IRAK1BP1: variants seen among roughly 807,000 people sequenced by gnomAD.
IRAK1BP1 encodes interleukin-1 receptor-associated kinase 1-binding protein 1.
Under a neutral mutation model 28.0 loss-of-function variants are expected in IRAK1BP1, and 24 were observed. That is an observed-to-expected ratio of 0.86 (90% CI 0.62 to 1.20). The LOEUF (loss-of-function observed/expected upper bound fraction) is 1.20. IRAK1BP1 is among the 50% of genes most tolerant of loss of function. The probability of loss-of-function intolerance (pLI) is 0.00; values close to 1 mark genes in which losing one functional copy is unlikely to be tolerated. For missense variants in IRAK1BP1, 336 were observed against 316.7 expected, an observed-to-expected ratio of 1.06 and a Z score of -0.46; for synonymous variants, 131 against 116.3, an observed-to-expected ratio of 1.13 and a Z score of -0.81.
chr6:78,931,460 G>T (rs960446168), intron 4 of IRAK1BP1, among the ~76,000 whole-genome samples: 1 of 152,062 alleles, frequency 6.6e-6, no homozygotes. Flanking sequence ...TTATCTTGGA[G>T]ATTTCTCATA....
At chr6:78,947,518 C>T (rs1264948375), downstream of IRAK1BP1, 4 of 586,090 alleles carry the variant, frequency 6.8e-6, no homozygotes, top group African/African-American at 1.9e-5. Context: ...AAGAATGTAA[C>T]AGAAAGTTAA....
At position 78,895,023 on chromosome 6, in the gene IRAK1BP1, G is replaced by A. The variant is rs149488477; in HGVS notation, c.382-2806G>A. Among the ~76,000 whole-genome samples the A allele has an allele frequency of 1.2e-3, 184 of 151,738 alleles. 2 individuals are homozygous for A. The highest frequency in any genetic ancestry group is 4.9e-4 in the Non-Finnish European group (33 of 67,954). ...CTCAGCAGGCTAAGACAGGAGAATC[G>A]CTTGAACCCGGGAGGTAGAGGTTGC... On this transcript the variant is annotated intron_variant, in intron 2 of 3. Coordinates refer to ENST00000369940, the MANE Select transcript of IRAK1BP1 (RefSeq NM_001010844.4).
rs1770629900 is a variant in IRAK1BP1, at chr6:78,867,739, G to GT, written c.164dup (p.Ser56LysfsTer11). 1.2e-6 allele frequency: 2 copies of GT among 1,614,148 alleles called. No homozygotes were observed. Among genetic ancestry groups the GT allele is most frequent in the South Asian group, 2.2e-5 (2 of 91,096 alleles). On this transcript the variant is annotated frameshift_variant, in exon 1 of 4. Transcript: ENST00000369940. LOFTEE classifies it high-confidence loss of function. ...CCAAACTGCTACCCGCGAGGTGCAAGTAAGCGGCACCTCAGAAGTGTCTGC... is the reference window on the plus strand; with the variant it reads ...CCAAACTGCTACCCGCGAGGTGCAAGTTAAGCGGCACCTCAGAAGTGTCTGC...
chr6:78,891,413 C>CT (rs2127650180), intron 2 of IRAK1BP1, among the ~76,000 whole-genome samples: 1 of 151,844 alleles, frequency 6.6e-6, no homozygotes, highest in Admixed American at 6.6e-5. Context: ...TACCAGTACT[C>CT]TTTCCACTTT....
the IRAK1BP1 span, chr6:78,962,993 ACTTAGG>A: frequency 5.4e-6 from 5 of 925,424 alleles, no homozygotes; most frequent in Non-Finnish European, 8.1e-6. Context: ...GAAACCACTG[ACTTAGG>A]ATATTGTGAA....
intron 4 of IRAK1BP1, among the ~76,000 whole-genome samples, chr6:78,929,657 T>G (rs550142177): frequency 6.6e-6 from 1 of 152,324 alleles, no homozygotes; most frequent in South Asian, 2.1e-4. Context: ...ACAAACTTGC[T>G]CATGTACCCT....
rs1235057928 is a variant in IRAK1BP1, at chr6:78,877,976, A to G, written c.316-7402A>G. On this transcript the variant is annotated intron_variant, in intron 1 of 3. Transcript: ENST00000369940. ...CGCCATTGCTGAGGCTTGAGTAGGT[A>G]AAAAAAAAAAGCAGCCGGGAAGCTC... is the stretch of plus-strand genomic sequence containing the variant. Among the ~76,000 whole-genome samples the G allele has an allele frequency of 7.6e-5, 5 of 65,828 alleles. No homozygotes were observed. The South Asian group carries it at 1.0e-3, about 14-fold the overall frequency. The allele number at this position is 65,828 out of a possible 152,430, so 43.2% of individuals were successfully genotyped here.
intron 1 of IRAK1BP1, among the ~76,000 whole-genome samples, chr6:78,870,996 G>A (rs982350178): frequency 6.6e-6 from 1 of 151,986 alleles, no homozygotes; most frequent in African/African-American, 2.4e-5. Context: ...GAGCCACTGC[G>A]CCTGGCCCAT....
At chr6:78,965,667 C>T in the IRAK1BP1 span, 1 of 1,160,858 alleles carries the variant, frequency 8.6e-7, no homozygotes, top group African/African-American at 1.5e-5. Context: ...AAATTAACTC[C>T]ATAATGGAGA....
chr6:78,947,780 G>A, downstream of IRAK1BP1: 9 of 1,599,102 alleles, frequency 5.6e-6, no homozygotes, highest in African/African-American at 2.7e-5. Context: ...GTAGTCCTAG[G>A]AGAGGGAAAA....
downstream of IRAK1BP1, chr6:78,947,020 T>C (rs937547662): frequency 5.3e-5 from 27 of 509,392 alleles, no homozygotes; most frequent in Middle Eastern, 4.8e-4. Context: ...AATCTTTTGA[T>C]GAAAAGGTAA....
At chr6:78,932,968 C>A (rs967076848) in intron 4 of IRAK1BP1, among the ~76,000 whole-genome samples, 5 of 152,006 alleles carry the variant, frequency 3.3e-5, no homozygotes, top group African/African-American at 7.3e-5. Flanking sequence ...GTAAACCATG[C>A]TATAAACAGA....
chr6:78,948,888 G>A (rs145649210), downstream of IRAK1BP1, among the ~76,000 whole-genome samples: 2 of 152,240 alleles, frequency 1.3e-5, no homozygotes, highest in African/African-American at 4.8e-5. Flanking sequence ...GATCAAATAC[G>A]TCTGACCATG....
chr6:78,919,291 A>G (rs1303576144), intron 4 of IRAK1BP1, among the ~76,000 whole-genome samples: 1 of 152,194 alleles, frequency 6.6e-6, no homozygotes, highest in East Asian at 1.9e-4. Context: ...GGAACTAGAA[A>G]AACAAGAACA....
chr6:78,924,451 G>A (rs1337034213), intron 4 of IRAK1BP1, among the ~76,000 whole-genome samples: 1 of 152,142 alleles, frequency 6.6e-6, no homozygotes, highest in Admixed American at 6.5e-5. Context: ...AAAAAGCCCA[G>A]GACCAGATGG....
chr6:78,887,652 C>T (rs1022432685), intron 2 of IRAK1BP1, among the ~76,000 whole-genome samples: 1 of 151,968 alleles, frequency 6.6e-6, no homozygotes, highest in Non-Finnish European at 1.5e-5. Context: ...GGCGACAGAG[C>T]AAGACTCCAT....
At chr6:78,906,103 CAT>C, downstream of IRAK1BP1, among the ~76,000 whole-genome samples, 1 of 152,218 alleles carries the variant, frequency 6.6e-6, no homozygotes, top group South Asian at 2.1e-4. Context: ...AATTGACTAA[CAT>C]GATTGAAATT....
intron 2 of IRAK1BP1, among the ~76,000 whole-genome samples, chr6:78,891,959 T>G (rs973876155): frequency 1.3e-5 from 2 of 152,220 alleles, no homozygotes; most frequent in Admixed American, 1.3e-4. Context: ...GTGAAATATT[T>G]TATACATATA....
the IRAK1BP1 span, among the ~76,000 whole-genome samples, chr6:78,952,840 G>T: frequency 6.7e-6 from 1 of 150,008 alleles, no homozygotes; most frequent in African/African-American, 2.5e-5. Context: ...ATCTATCAAA[G>T]TTTAACTCAA....
Sources: gnomAD v4.1 joint callset for allele counts (sites outside exome capture counted in the v4.1 genomes callset) on GRCh38, gnomAD v4.1.1 for gene constraint, MANE v1.5 for transcripts, NCBI Gene and HGNC (gene_info 2026-07-23, HGNC 2026-07-21) for gene names.